Variants in SLC35F4 observed in about 807,000 individuals in gnomAD.
SLC35F4 encodes chromosome 14 open reading frame 36.
SLC35F4 carries 24 observed loss-of-function variants against 44.2 expected under a neutral mutation model. The ratio of observed to expected loss-of-function variants is 0.54; its 90% CI spans 0.39 to 0.76. SLC35F4 has a LOEUF of 0.76. Among genes scored for constraint, SLC35F4 ranks in the 30% least tolerant of loss-of-function variants. SLC35F4 has a pLI of 0.00. For missense variants in SLC35F4, 562 were observed against 586.1 expected, an observed-to-expected ratio of 0.96 and a Z score of 0.42; for synonymous variants, 238 against 223.6, an observed-to-expected ratio of 1.06 and a Z score of -0.57.
intron 1 of SLC35F4, among the ~76,000 whole-genome samples, chr14:57,927,567 T>G (rs1276332387): frequency 1.3e-5 from 2 of 151,794 alleles, no homozygotes; most frequent in African/African-American, 4.8e-5. Flanking sequence ...CTCGGTTCAC[T>G]GCAACCTCTA....
At chr14:57,799,783 C>T (rs2078146485) in intron 1 of SLC35F4, among the ~76,000 whole-genome samples, 1 of 152,208 alleles carries the variant, frequency 6.6e-6, no homozygotes, top group Non-Finnish European at 1.5e-5. Flanking sequence ...CGATCCATTC[C>T]TCCTCACTGG....
At chr14:57,736,712 G>A (rs141616246) in intron 1 of SLC35F4, among the ~76,000 whole-genome samples, 254 of 152,290 alleles carry the variant, frequency 1.7e-3, no homozygotes, top group African/African-American at 5.9e-3. Context: ...GTCTCTCTCT[G>A]TATGGCAATA....
At chr14:57,576,187 A>C (rs1214665642) in intron 4 of SLC35F4, among the ~76,000 whole-genome samples, 1 of 152,146 alleles carries the variant, frequency 6.6e-6, no homozygotes, top group African/African-American at 2.4e-5. Context: ...ATGAACCTTT[A>C]GTTGCTTCTC....
intron 1 of SLC35F4, among the ~76,000 whole-genome samples, chr14:57,812,156 A>G (rs1053191324): frequency 6.6e-6 from 1 of 152,160 alleles, no homozygotes; most frequent in Non-Finnish European, 1.5e-5. Context: ...AAGCCAGGCT[A>G]TTAAAACTTC....
intron 1 of SLC35F4, among the ~76,000 whole-genome samples, chr14:57,786,459 C>A (rs2077761920): frequency 6.6e-6 from 1 of 152,200 alleles, no homozygotes; most frequent in Non-Finnish European, 1.5e-5. Flanking sequence ...AGGAGGCCAA[C>A]TGGCACAAAA....
chr14:57,899,460 T>C (rs1343035021), intron 1 of SLC35F4, among the ~76,000 whole-genome samples: 1 of 152,202 alleles, frequency 6.6e-6, no homozygotes, highest in Non-Finnish European at 1.5e-5. Flanking sequence ...AGAGAAGCTG[T>C]GAGGAACCAA....
intron 1 of SLC35F4, among the ~76,000 whole-genome samples, chr14:57,678,160 C>A (rs73305961): frequency 0.024 from 3,652 of 152,158 alleles, 168 homozygotes; most frequent in African/African-American, 0.082. Flanking sequence ...GCCTATCAGA[C>A]AAACAGCAGA....
chr14:57,785,214 A>C (rs1403129343), intron 1 of SLC35F4, among the ~76,000 whole-genome samples: 3 of 152,168 alleles, frequency 2.0e-5, no homozygotes, highest in Non-Finnish European at 4.4e-5. Flanking sequence ...TGAAGTTTAT[A>C]CTACATGAAA....
chr14:57,774,901 G>A (rs964000661), intron 1 of SLC35F4, among the ~76,000 whole-genome samples: 2 of 152,082 alleles, frequency 1.3e-5, no homozygotes, highest in African/African-American at 2.4e-5. Flanking sequence ...TGTGCACCAC[G>A]ACAAGCCACT....
intron 1 of SLC35F4, among the ~76,000 whole-genome samples, chr14:57,748,558 C>G (rs1301418110): frequency 1.3e-5 from 2 of 152,106 alleles, no homozygotes; most frequent in African/African-American, 4.8e-5. Context: ...AAGACTGGAT[C>G]TGGAAATCTG....
At chr14:57,750,020 A>G (rs1235568715) in intron 1 of SLC35F4, among the ~76,000 whole-genome samples, 4 of 152,122 alleles carry the variant, frequency 2.6e-5, no homozygotes, top group African/African-American at 4.8e-5. Context: ...CTCGTTAAGT[A>G]ATTTCTCATC....
At chr14:57,645,560 A>G (rs574670364) in intron 1 of SLC35F4, among the ~76,000 whole-genome samples, 32 of 151,836 alleles carry the variant, frequency 2.1e-4, no homozygotes, top group Non-Finnish European at 3.2e-4. Flanking sequence ...AATCATGTAC[A>G]TCTGCAAACA....
intron 1 of SLC35F4, among the ~76,000 whole-genome samples, chr14:57,670,217 C>G (rs375371128): frequency 3.9e-5 from 6 of 152,052 alleles, no homozygotes; most frequent in Non-Finnish European, 7.4e-5. Flanking sequence ...TGATTCTTCT[C>G]TCTTTTCTTC....
rs1888132809 is a variant in SLC35F4, at chr14:57,865,968, G to A, written c.-143C>T. ...CCGGGCTCTGACTCCACCGCCCGGC[G>A]CAGCACCGGCTCCGCATCACAGCGG... On this transcript the variant is annotated 5_prime_UTR_variant, in exon 1 of 8. Coordinates refer to ENST00000556826, the MANE Select transcript of SLC35F4 (RefSeq NM_001306087.2). 4.4e-6 allele frequency: 2 copies of A among 457,218 alleles called. No individual in the cohort carries two copies. The allele number at this position is 457,218 out of a possible 1,614,324, so 28.3% of individuals were successfully genotyped here.
At chr14:57,907,983 C>T (rs1889138089) in intron 1 of SLC35F4, among the ~76,000 whole-genome samples, 1 of 152,096 alleles carries the variant, frequency 6.6e-6, no homozygotes, top group African/African-American at 2.4e-5. Flanking sequence ...TGATGTTCCC[C>T]TCTCTGTGTT....
intron 1 of SLC35F4, among the ~76,000 whole-genome samples, chr14:57,930,176 T>C (rs973335769): frequency 2.6e-5 from 4 of 152,216 alleles, no homozygotes; most frequent in African/African-American, 9.6e-5. Context: ...CAAGAAAGTG[T>C]CACAAGTTAA....
At chr14:57,716,218 G>A (rs2075937921) in intron 1 of SLC35F4, among the ~76,000 whole-genome samples, 1 of 151,964 alleles carries the variant, frequency 6.6e-6, no homozygotes, top group African/African-American at 2.4e-5. Flanking sequence ...AAACCCTTCT[G>A]AAGTCAAAAA....
chr14:57,624,274 C>A, intron 1 of SLC35F4, among the ~76,000 whole-genome samples: 1 of 152,126 alleles, frequency 6.6e-6, no homozygotes, highest in East Asian at 1.9e-4. Context: ...CCTGAGTAGA[C>A]CAATAACAAG....
chr14:57,593,362 C>G (rs1300639759), intron 2 of SLC35F4, among the ~76,000 whole-genome samples: 1 of 152,178 alleles, frequency 6.6e-6, no homozygotes, highest in African/African-American at 2.4e-5. Context: ...CAAGATTTAT[C>G]TAGCAATTCC....
Sources: gnomAD v4.1 joint callset for allele counts (sites outside exome capture counted in the v4.1 genomes callset) on GRCh38, gnomAD v4.1.1 for gene constraint, MANE v1.5 for transcripts, NCBI Gene and HGNC (gene_info 2026-07-23, HGNC 2026-07-21) for gene names.